The following CHD9 variants were observed in gnomAD, a reference collection of about 807,000 sequenced individuals.
CHD9 encodes the protein ATP-dependent chromatin remodeler CHD9.
Under a neutral mutation model 316.1 loss-of-function variants are expected in CHD9, and 77 were observed. The observed-to-expected ratio is 0.24, with a 90% confidence interval of 0.20 to 0.29. CHD9 has a LOEUF of 0.29. CHD9 is among the 10% of genes least tolerant of loss of function. The probability of loss-of-function intolerance (pLI) is 1.00; values close to 1 mark genes in which losing one functional copy is unlikely to be tolerated. For synonymous variants in CHD9, 1,129 were observed against 1,158.3 expected (o/e 0.97, Z 0.51); for missense variants, 2,763 against 3,438.1 (o/e 0.80, Z 4.91).
intron 10 of CHD9, among the ~76,000 whole-genome samples, chr16:53,232,776 A>G (rs1052438269): frequency 2.7e-5 from 4 of 149,530 alleles, no homozygotes; most frequent in African/African-American, 7.4e-5. Context: ...TTCATTGGCT[A>G]TCACTTAAAA....
intron 2 of CHD9, among the ~76,000 whole-genome samples, chr16:53,183,852 CTTT>C (rs1274426450): frequency 6.6e-6 from 1 of 152,226 alleles, no homozygotes; most frequent in Non-Finnish European, 1.5e-5. Flanking sequence ...GTTTGTTAAT[CTTT>C]CCAAACTTTA....
chr16:53,089,963 G>A (rs1413911851), intron 1 of CHD9, among the ~76,000 whole-genome samples: 1 of 152,176 alleles, frequency 6.6e-6, no homozygotes, highest in Admixed American at 6.5e-5. Flanking sequence ...AGAAGGGGAG[G>A]CCACGCTGGT....
intron 27 of CHD9, among the ~76,000 whole-genome samples, chr16:53,290,051 A>T (rs2054200922): frequency 6.6e-6 from 1 of 152,144 alleles, no homozygotes; most frequent in African/African-American, 2.4e-5. Context: ...AGGTGGGTGG[A>T]TCATTTGAGT....
At chr16:53,215,701 ATTGT>A (rs1349918744) in intron 3 of CHD9, among the ~76,000 whole-genome samples, 5 of 152,266 alleles carry the variant, frequency 3.3e-5, no homozygotes, top group South Asian at 2.1e-4. Flanking sequence ...GGTAAGATTC[ATTGT>A]TTGTCCAATT....
chr16:53,183,153 C>T (rs553389470), intron 2 of CHD9, among the ~76,000 whole-genome samples: 19 of 152,196 alleles, frequency 1.2e-4, no homozygotes, highest in South Asian at 1.0e-3. Flanking sequence ...AATGTAGCTG[C>T]GCAAAAACAG....
intron 1 of CHD9, among the ~76,000 whole-genome samples, chr16:53,128,286 G>A (rs149743111): frequency 5.5e-4 from 84 of 152,180 alleles, no homozygotes; most frequent in East Asian, 2.3e-3. Context: ...AGATTCAAGC[G>A]ATTCTCCTGC....
chr16:53,297,194 A>G, intron 30 of CHD9, 36 bp downstream of exon 30: 3 of 1,511,902 alleles, frequency 2.0e-6, no homozygotes, highest in Non-Finnish European at 2.7e-6. Flanking sequence ...GTTTCGGTCA[A>G]AGAAGCAAAA....
At chr16:53,165,723 C>T (rs975742469) in intron 2 of CHD9, among the ~76,000 whole-genome samples, 3 of 107,098 alleles carry the variant, frequency 2.8e-5, no homozygotes, top group Non-Finnish European at 6.3e-5. Flanking sequence ...GCAATGCTCA[C>T]ACCCAAGCTA....
chr16:53,119,148 C>T (rs896623484), intron 1 of CHD9, among the ~76,000 whole-genome samples: 7 of 152,050 alleles, frequency 4.6e-5, no homozygotes, highest in African/African-American at 1.7e-4. Flanking sequence ...CACAAGGAAA[C>T]TTTTGGAGGC....
At position 53,324,882 on chromosome 16, in the gene CHD9, G is replaced by T. The variant is rs1423391724; in HGVS notation, c.8681G>T (p.Ser2894Ile). Residue 2894 changes from serine to isoleucine, a missense_variant, in exon 39 of 39, where the codon AGT becomes ATT. Transcript: ENST00000447540. ...TSSSSEDSDS[S>I]NED ...TCGTCATCTGAGGATTCAGATTCTA[G>T]TAATGAAGACTGATTCCCAGACTCT... is the stretch of plus-strand genomic sequence containing the variant. 10 of 1,591,480 alleles carry T rather than the reference G, an allele frequency of 6.3e-6. No homozygotes were observed. Among genetic ancestry groups the T allele is most frequent in the Non-Finnish European group, 8.5e-6 (10 of 1,171,340 alleles).
intron 1 of CHD9, among the ~76,000 whole-genome samples, chr16:53,085,816 C>T (rs780953667): frequency 3.3e-5 from 5 of 152,220 alleles, no homozygotes; most frequent in African/African-American, 9.6e-5. Flanking sequence ...TGAGTTGCTC[C>T]TCTTGCCTGG....
intron 2 of CHD9, among the ~76,000 whole-genome samples, chr16:53,183,421 G>A (rs2043699408): frequency 6.6e-6 from 1 of 152,080 alleles, no homozygotes; most frequent in Non-Finnish European, 1.5e-5. Flanking sequence ...GAAAGGGGAA[G>A]GAACAGGGAG....
intron 1 of CHD9, among the ~76,000 whole-genome samples, chr16:53,154,280 T>C (rs1177771609): frequency 2.6e-5 from 4 of 152,362 alleles, no homozygotes; most frequent in African/African-American, 9.6e-5. Context: ...ATTCTAAAGC[T>C]GACTGTTCCT....
Position 53,284,662 on chromosome 16 carries a change from A to G in CHD9, c.4968-934A>G, listed in dbSNP as rs141023143. On this transcript the variant is annotated intron_variant, in intron 24 of 38. Transcript: ENST00000447540. ...TATTTGTTACTTATAAAATCAGTCA[A>G]TCTACAAAATCAAATCATTATGGGT... Among the ~76,000 whole-genome samples the G allele has an allele frequency of 7.4e-4, 113 of 152,328 alleles. No individual in the cohort carries two copies. The East Asian group carries it at 0.019, about 25-fold the overall frequency.
chr16:53,074,288 C>T (rs1300971055), intron 1 of CHD9, among the ~76,000 whole-genome samples: 3 of 152,114 alleles, frequency 2.0e-5, no homozygotes, highest in African/African-American at 4.8e-5. Context: ...CTGTTAAAGG[C>T]ATTCAGTTTT....
At chr16:53,294,937 T>C (rs2054644382) in intron 29 of CHD9, among the ~76,000 whole-genome samples, 1 of 152,226 alleles carries the variant, frequency 6.6e-6, no homozygotes, top group African/African-American at 2.4e-5. Flanking sequence ...TTTGAAGGTC[T>C]CTTCATTTTA....
chr16:53,063,766 C>T (rs908298569), intron 1 of CHD9, among the ~76,000 whole-genome samples: 3 of 151,428 alleles, frequency 2.0e-5, no homozygotes, highest in East Asian at 1.9e-4. Flanking sequence ...CTCCTGACCT[C>T]GTGACCCGCC....
intron 4 of CHD9, 58 bp downstream of exon 4, chr16:53,222,813 A>C: frequency 1.3e-6 from 1 of 795,078 alleles, no homozygotes; most frequent in Non-Finnish European, 2.1e-6. Context: ...TAGTTAGCAT[A>C]ATATTGCCTT....
chr16:53,058,588 TG>T (rs1037863566), intron 1 of CHD9, among the ~76,000 whole-genome samples: 4 of 151,556 alleles, frequency 2.6e-5, no homozygotes, highest in African/African-American at 9.7e-5. Context: ...GGGCAGGGAG[TG>T]TGGTGGTGAA....
Sources: gnomAD v4.1 joint callset for allele counts (sites outside exome capture counted in the v4.1 genomes callset) on GRCh38, gnomAD v4.1.1 for gene constraint, MANE v1.5 for transcripts, NCBI Gene and HGNC (gene_info 2026-07-23, HGNC 2026-07-21) for gene names.